STIM1: variants seen among roughly 807,000 people sequenced by gnomAD.
STIM1 encodes the protein stromal interaction molecule 1.
A neutral mutation model predicts 74.7 loss-of-function variants in STIM1; 25 were observed. The observed-to-expected ratio is 0.33, with a 90% confidence interval of 0.24 to 0.47. The LOEUF (loss-of-function observed/expected upper bound fraction) is 0.47. Ranked by LOEUF, STIM1 falls within the 20% of genes least tolerant of loss-of-function variation. The probability of loss-of-function intolerance (pLI) is 1.00; values close to 1 mark genes in which losing one functional copy is unlikely to be tolerated. For synonymous variants in STIM1, 328 were observed against 348.8 expected (o/e 0.94, Z 0.66); for missense variants, 728 against 920.8 (o/e 0.79, Z 2.71).
chr11:3,879,898 G>A (rs1225307986), intron 1 of STIM1, among the ~76,000 whole-genome samples: 1 of 152,168 alleles, frequency 6.6e-6, no homozygotes, highest in African/African-American at 2.4e-5. Flanking sequence ...CTTCTCAGTG[G>A]CATCAGTGTT....
At chr11:4,012,225 A>G (rs1189580930) in intron 2 of STIM1, among the ~76,000 whole-genome samples, 1 of 152,164 alleles carries the variant, frequency 6.6e-6, no homozygotes, top group Admixed American at 6.6e-5. Flanking sequence ...TTGGTTCCAT[A>G]TGAACTTTAA....
intron 3 of STIM1, among the ~76,000 whole-genome samples, chr11:4,025,847 G>A (rs1411438225): frequency 6.6e-6 from 1 of 152,166 alleles, no homozygotes; most frequent in Non-Finnish European, 1.5e-5. Flanking sequence ...AATGGAGTGA[G>A]GTTTTTTGGG....
At chr11:4,086,885 T>C (rs1245082551) in intron 12 of STIM1, 6 of 1,520,272 alleles carry the variant, frequency 3.9e-6, no homozygotes, top group Non-Finnish European at 5.3e-6. Context: ...CTCTTTTCTT[T>C]CTTCCCTTCC....
intron 3 of STIM1, among the ~76,000 whole-genome samples, chr11:4,045,405 A>C (rs1242843891): frequency 6.6e-6 from 1 of 151,686 alleles, no homozygotes; most frequent in African/African-American, 2.4e-5. Flanking sequence ...TAGGATATAT[A>C]TTCATTTTCA....
At chr11:4,088,829 T>C in intron 12 of STIM1, 1 of 1,347,232 alleles carries the variant, frequency 7.4e-7, no homozygotes, top group Non-Finnish European at 1.0e-6. Context: ...GGAGGGAAGG[T>C]GAGCCTGCCT....
At chr11:3,985,337 GT>G (rs2093548569) in intron 2 of STIM1, among the ~76,000 whole-genome samples, 1 of 152,118 alleles carries the variant, frequency 6.6e-6, no homozygotes, top group Non-Finnish European at 1.5e-5. Flanking sequence ...GTGCCTTTGT[GT>G]TTGTGTTTTT....
At chr11:4,023,508 T>C (rs941663683) in intron 2 of STIM1, among the ~76,000 whole-genome samples, 1 of 152,228 alleles carries the variant, frequency 6.6e-6, no homozygotes, top group Admixed American at 6.5e-5. Flanking sequence ...GTGGAAATTC[T>C]TAGAATATTG....
intron 6 of STIM1, among the ~76,000 whole-genome samples, chr11:4,072,825 G>A (rs2094412200): frequency 6.6e-6 from 1 of 152,160 alleles, no homozygotes; most frequent in Non-Finnish European, 1.5e-5. Flanking sequence ...TTCAGCAAGG[G>A]AAGGAGATGG....
chr11:3,867,698 G>A (rs1213897487), intron 1 of STIM1, among the ~76,000 whole-genome samples: 1 of 152,226 alleles, frequency 6.6e-6, no homozygotes, highest in African/African-American at 2.4e-5. Context: ...AGATGTGATG[G>A]AGGAGACAAA....
chr11:3,993,736 C>A (rs1409026467), intron 2 of STIM1, among the ~76,000 whole-genome samples: 1 of 152,132 alleles, frequency 6.6e-6, no homozygotes, highest in Non-Finnish European at 1.5e-5. Flanking sequence ...GAGACCTTTC[C>A]CAGACCACCC....
At chr11:3,911,365 A>G (rs1192186200) in intron 1 of STIM1, among the ~76,000 whole-genome samples, 1 of 152,064 alleles carries the variant, frequency 6.6e-6, no homozygotes, top group Non-Finnish European at 1.5e-5. Context: ...CTATGCTATT[A>G]TTCATGTTTT....
At chr11:4,030,520 C>T (rs2094041072) in intron 3 of STIM1, among the ~76,000 whole-genome samples, 1 of 152,024 alleles carries the variant, frequency 6.6e-6, no homozygotes, top group African/African-American at 2.4e-5. Context: ...TTAGTATTTT[C>T]TTTTAGTCAT....
At chr11:4,062,845 A>C (rs2094340230) in intron 5 of STIM1, among the ~76,000 whole-genome samples, 1 of 151,624 alleles carries the variant, frequency 6.6e-6, no homozygotes, top group South Asian at 2.1e-4. Context: ...AATAGCCAAA[A>C]AGTGGAAACA....
At chr11:3,863,786 G>T (rs146053383) in intron 1 of STIM1, among the ~76,000 whole-genome samples, 1 of 152,128 alleles carries the variant, frequency 6.6e-6, no homozygotes, top group Non-Finnish European at 1.5e-5. Context: ...CAGTGCTTGC[G>T]TTCAAGTAAT....
At chr11:3,862,928 T>C (rs147807472) in intron 1 of STIM1, among the ~76,000 whole-genome samples, 8 of 152,194 alleles carry the variant, frequency 5.3e-5, no homozygotes, top group Middle Eastern at 6.8e-3. Context: ...GTTTCGCTCT[T>C]GTCACCCAGG....
In STIM1 at chr11:4,082,188, G is replaced by A. The variant is rs746960459; in HGVS notation, c.974G>A (p.Arg325Gln). Residue 325 changes from arginine (R) to glutamine (Q), a missense_variant, in exon 8 of 13, where the codon CGG becomes CAG. Physicochemically the swap from Arg to Gln is conservative, Grantham distance 43. Around this residue, in one of 5 missense-constraint regions of STIM1, gnomAD observed 131 missense variants for 235.9 expected, o/e 0.56. Coordinates refer to ENST00000526596, the MANE Select transcript of STIM1 (RefSeq NM_001382567.1). The stretch of plus-strand genomic sequence containing the variant: ...CACATCCTTTTGGCTGCCTAGGTTC[G>A]GGAGGCCTTGAGGAAAGCAGAGAAG... Reference protein sequence around the residue: ...KYAEEELEQVREALRKAEKEL... With the variant: ...KYAEEELEQVQEALRKAEKEL... 9.3e-6 allele frequency: 15 copies of A among 1,613,892 alleles called. No individual in the cohort carries two copies. Among genetic ancestry groups the A allele is most frequent in the South Asian group, 4.4e-5 (4 of 91,064 alleles).
intron 1 of STIM1, among the ~76,000 whole-genome samples, chr11:3,964,784 G>A (rs1219443860): frequency 6.6e-6 from 1 of 151,302 alleles, no homozygotes. Context: ...GAGTTCAGTG[G>A]CACAAACATG....
intron 7 of STIM1, among the ~76,000 whole-genome samples, chr11:4,080,059 G>T (rs1035996616): frequency 1.3e-5 from 2 of 151,402 alleles, no homozygotes; most frequent in East Asian, 1.9e-4. Context: ...TCTCTACCAA[G>T]AAATAAATAA....
chr11:4,056,015 A>C (rs1156705299), intron 4 of STIM1, among the ~76,000 whole-genome samples: 1 of 152,234 alleles, frequency 6.6e-6, no homozygotes, highest in East Asian at 1.9e-4. Flanking sequence ...CAAGGTCACA[A>C]ACATGACTAG....
Sources: allele counts gnomAD v4.1 joint callset (sites outside exome capture counted in the v4.1 genomes callset), GRCh38; gene constraint gnomAD v4.1.1; regional missense constraint gnomAD v4.1.1; transcripts MANE v1.5; gene names NCBI Gene and HGNC (gene_info 2026-07-23, HGNC 2026-07-21).